Variants in INPP5F observed in about 807,000 individuals in gnomAD.
INPP5F encodes inositol polyphosphate-5-phosphatase F.
Under a neutral mutation model 137.2 loss-of-function variants are expected in INPP5F, and 97 were observed. The observed-to-expected ratio is 0.71, with a 90% CI of 0.60 to 0.84. INPP5F has a LOEUF of 0.84. INPP5F is among the 40% of genes least tolerant of loss of function. The pLI, the probability that INPP5F is intolerant of heterozygous loss-of-function variation, is 0.00. For missense variants in INPP5F, 1,271 were observed against 1,371.9 expected, an observed-to-expected ratio of 0.93 and a Z score of 1.16; for synonymous variants, 504 against 476.9, an observed-to-expected ratio of 1.06 and a Z score of -0.74.
At chr10:119,726,719 T>C (rs1847904153) in intron 1 of INPP5F, among the ~76,000 whole-genome samples, 1 of 152,160 alleles carries the variant, frequency 6.6e-6, no homozygotes, top group Admixed American at 6.5e-5. Context: ...CTCCTTGGAG[T>C]AGTTCTTACA....
chr10:119,762,860 C>CA (rs1428074019), intron 2 of INPP5F, among the ~76,000 whole-genome samples: 1 of 152,144 alleles, frequency 6.6e-6, no homozygotes, highest in Non-Finnish European at 1.5e-5. Context: ...ATGCTCTTCT[C>CA]ATATGCAAAA....
intron 1 of INPP5F, among the ~76,000 whole-genome samples, chr10:119,727,724 A>C (rs1460944933): frequency 6.6e-6 from 1 of 152,214 alleles, no homozygotes; most frequent in Non-Finnish European, 1.5e-5. Context: ...TCCTTGGCCC[A>C]GATAAAGTTC....
At chr10:119,822,988 A>G in intron 17 of INPP5F, 83 bp from the exon 18 acceptor site, 1 of 1,365,972 alleles carries the variant, frequency 7.3e-7, no homozygotes, top group Non-Finnish European at 1.0e-6. Flanking sequence ...TTATGAAGAA[A>G]AATGTGTTGG....
rs559647745 is a variant in INPP5F, at chr10:119,764,725, G to A, written c.178+13569G>A. On this transcript the variant is annotated intron_variant, in intron 2 of 19. Transcript: ENST00000650623. Reference sequence around the variant, plus strand: ...GCCTCCCAAGTAGCTGGGATTTCAGGCATGCGCCACCATGCCTGGCTAATT... The same window carrying A: ...GCCTCCCAAGTAGCTGGGATTTCAGACATGCGCCACCATGCCTGGCTAATT... 2.6e-4 allele frequency among the ~76,000 whole-genome samples: 39 copies of A among 151,812 alleles called. No individual in the cohort carries two copies. In the South Asian group the frequency reaches 7.7e-3, roughly 30 times the overall value.
chr10:119,823,696 A>G, intron 18 of INPP5F, 119 bp from the exon 19 acceptor site: 1 of 644,708 alleles, frequency 1.6e-6, no homozygotes, highest in South Asian at 2.5e-5. Flanking sequence ...AATCGAAGCA[A>G]ATAAATTTGT....
At chr10:119,804,768 C>G (rs1341637564) in intron 10 of INPP5F, among the ~76,000 whole-genome samples, 2 of 151,820 alleles carry the variant, frequency 1.3e-5, no homozygotes, top group African/African-American at 4.8e-5. Flanking sequence ...GTCGCCCAGG[C>G]TGAAGTGGAG....
At chr10:119,738,483 C>T (rs984889298) in intron 1 of INPP5F, among the ~76,000 whole-genome samples, 5 of 152,206 alleles carry the variant, frequency 3.3e-5, no homozygotes, top group Non-Finnish European at 7.3e-5. Flanking sequence ...ATTCCAGTGC[C>T]TTCTGCCCCC....
intron 1 of INPP5F, among the ~76,000 whole-genome samples, chr10:119,742,646 A>G (rs1269352818): frequency 6.6e-6 from 1 of 152,148 alleles, no homozygotes; most frequent in Non-Finnish European, 1.5e-5. Flanking sequence ...CCATACAAAC[A>G]TGAGAGAATT....
chr10:119,754,110 A>G (rs960619799), intron 2 of INPP5F, among the ~76,000 whole-genome samples: 1 of 152,252 alleles, frequency 6.6e-6, no homozygotes, highest in African/African-American at 2.4e-5. Flanking sequence ...GCAGTTAAAA[A>G]AGATTGAGTA....
chr10:119,827,074 C>T lies in INPP5F; in HGVS notation c.2693C>T (p.Ala898Val), dbSNP rs767654694. The T allele has an allele frequency of 1.1e-5, 17 of 1,613,956 alleles. No individual in the cohort carries two copies. The highest frequency in any genetic ancestry group is 2.2e-5 in the East Asian group (1 of 44,892). ...CCTAGTTGTGGTATTATTGCCTCAG[C>T]GCCTCGATTGGGCAGTCGGTCCCAG... is the stretch of plus-strand genomic sequence containing the variant. ...VLPSCGIIAS[A>V]PRLGSRSQSL... Residue 898 changes from alanine to valine, a missense_variant, in exon 20 of 20, where the codon GCG (alanine) becomes GTG (valine). Physicochemically the swap from Ala to Val is moderately conservative, Grantham distance 64. Coordinates refer to ENST00000650623, the MANE Select transcript of INPP5F (RefSeq NM_014937.4).
rs1245135258 is a variant in INPP5F at position 119,771,871 on chromosome 10, TATATATATATA to T, written c.179-9763_179-9753del. On this transcript the variant is annotated intron_variant, in intron 2 of 19. Coordinates refer to ENST00000650623, the MANE Select transcript of INPP5F (RefSeq NM_014937.4). Reference sequence around the variant, plus strand: ...ATATATATATATATATATATATATATATATATATATATTTTTTTTTTTTTTTTTTTTTTTTT... The same window carrying T: ...ATATATATATATATATATATATATATTTTTTTTTTTTTTTTTTTTTTTTTT... 9.4e-3 allele frequency among the ~76,000 whole-genome samples: 165 copies of T among 17,480 alleles called. 2 individuals carry two copies. The highest frequency in any genetic ancestry group is 0.015 in the South Asian group (5 of 326). The allele number at this position is 17,480 out of a possible 152,430, so 11.5% of individuals were successfully genotyped here.
chr10:119,803,971 AATGT>A (rs761806145), intron 9 of INPP5F, among the ~76,000 whole-genome samples, 198 bp from the exon 10 acceptor site: 7 of 152,198 alleles, frequency 4.6e-5, no homozygotes, highest in Non-Finnish European at 7.3e-5. Flanking sequence ...CACAAACTTA[AATGT>A]ATGTAACAAA....
chr10:119,735,176 G>C (rs1169184860), intron 1 of INPP5F, among the ~76,000 whole-genome samples: 2 of 152,178 alleles, frequency 1.3e-5, no homozygotes, highest in Non-Finnish European at 2.9e-5. Flanking sequence ...TAAGGGATCT[G>C]CTTTCATTCA....
rs779249196 is a variant in INPP5F at position 119,726,235 on chromosome 10, G to T, written c.-28G>T. 3 of 1,408,310 alleles carry T rather than the reference G, an allele frequency of 2.1e-6. No homozygotes were observed. The highest frequency in any genetic ancestry group is 2.8e-6 in the Non-Finnish European group (3 of 1,073,550). 87.2% of individuals were successfully genotyped at this position (1,408,310 alleles called of 1,614,324 possible). A position where few individuals can be genotyped will look rare whatever the true frequency, so the allele number is the denominator to read the frequency against. ...ACGCCCCGTGCGCCGCCCGCGGGCCGCCGCCTCCCTGGGCGCGCGGGGCCA... is the reference window on the plus strand; with the variant it reads ...ACGCCCCGTGCGCCGCCCGCGGGCCTCCGCCTCCCTGGGCGCGCGGGGCCA... On this transcript the variant is annotated 5_prime_UTR_variant, in exon 1 of 20. Coordinates refer to ENST00000650623, the MANE Select transcript of INPP5F (RefSeq NM_014937.4).
intron 1 of INPP5F, among the ~76,000 whole-genome samples, chr10:119,740,829 C>T (rs767278643): frequency 6.6e-6 from 1 of 152,240 alleles, no homozygotes; most frequent in South Asian, 2.1e-4. Context: ...GCGCGAGCCA[C>T]TGTGCCCGGC....
chr10:119,823,309 T>G (rs927638061), intron 18 of INPP5F, 110 bp downstream of exon 18: 1 of 1,024,416 alleles, frequency 9.8e-7, no homozygotes, highest in African/African-American at 1.6e-5. Flanking sequence ...TGAGAGAGGG[T>G]CCAGGGAATA....
rs1406639745 is a variant in INPP5F, at chr10:119,823,706, TATTTA to T, written c.2162-105_2162-101del. The T allele has an allele frequency of 5.6e-5, 38 of 683,634 alleles. No individual in the cohort carries two copies. The East Asian group carries it at 1.0e-3, about 19-fold the overall frequency. 42.3% of individuals were successfully genotyped at this position (683,634 alleles called of 1,614,324 possible). A position where few individuals can be genotyped will look rare whatever the true frequency, so the allele number is the denominator to read the frequency against. On this transcript the variant is annotated intron_variant, in intron 18 of 19. Coordinates refer to ENST00000650623, the MANE Select transcript of INPP5F (RefSeq NM_014937.4). ...CTATAAATCGAAGCAAATAAATTTG[TATTTA>T]ATTATACGACGACAAATTTCATTCA...
In INPP5F at chr10:119,792,147, C is replaced by T; in HGVS notation, c.613-10C>T. 6.2e-7 allele frequency: 1 copy of T among 1,614,108 alleles called. No homozygotes were observed. Among genetic ancestry groups the T allele is most frequent in the Non-Finnish European group, 8.5e-7 (1 of 1,180,008 alleles). On this transcript the variant is annotated splice_polypyrimidine_tract_variant and intron_variant, in intron 5 of 19. Transcript: ENST00000650623. Reference sequence around the variant, plus strand: ...GTGTTTCTGAACTATTGTTCCTGCACCTTTTCTAGGTTGATGACCGATTTT... The same window carrying T: ...GTGTTTCTGAACTATTGTTCCTGCATCTTTTCTAGGTTGATGACCGATTTT...
chr10:119,820,760 C>T, intron 15 of INPP5F, 86 bp from the exon 16 acceptor site: 3 of 1,083,604 alleles, frequency 2.8e-6, no homozygotes, highest in Non-Finnish European at 2.8e-6. Context: ...ATTTTTTGTC[C>T]TAAGTAGCTC....
Sources: gnomAD v4.1 joint callset for allele counts (sites outside exome capture counted in the v4.1 genomes callset) on GRCh38, gnomAD v4.1.1 for gene constraint, MANE v1.5 for transcripts, NCBI Gene and HGNC (gene_info 2026-07-23, HGNC 2026-07-21) for gene names.